Variants in PHF24 observed in about 807,000 individuals in gnomAD.
PHF24 encodes PHD finger protein 24.
Under a neutral mutation model 42.6 loss-of-function variants are expected in PHF24, and 25 were observed. The ratio of observed to expected loss-of-function variants is 0.59; its 90% CI spans 0.43 to 0.82. The LOEUF (loss-of-function observed/expected upper bound fraction) is 0.82. PHF24 is among the 40% of genes least tolerant of loss of function. The pLI, the probability that PHF24 is intolerant of heterozygous loss-of-function variation, is 0.00. For synonymous variants in PHF24, 185 were observed against 204.8 expected, an observed-to-expected ratio of 0.90 and a Z score of 0.83; for missense variants, 470 against 538.1, an observed-to-expected ratio of 0.87 and a Z score of 1.25.
At chr9:34,799,549 C>T in the PHF24 span, among the ~76,000 whole-genome samples, 3 of 152,266 alleles carry the variant, frequency 2.0e-5, no homozygotes, top group East Asian at 5.8e-4. Context: ...CTTCTGCATA[C>T]TTTGATACCT....
chr9:34,832,720 C>G, the PHF24 span: 81 of 1,547,488 alleles, frequency 5.2e-5, no homozygotes, highest in Non-Finnish European at 7.1e-5. Context: ...GCTGGCATCA[C>G]CAGCCCATGT....
chr9:34,799,786 A>G, the PHF24 span, among the ~76,000 whole-genome samples: 1 of 152,234 alleles, frequency 6.6e-6, no homozygotes, highest in Non-Finnish European at 1.5e-5. Flanking sequence ...TATATCATAT[A>G]TAATGATACA....
chr9:34,697,571 C>T, the PHF24 span, among the ~76,000 whole-genome samples: 116 of 152,312 alleles, frequency 7.6e-4, no homozygotes, highest in Middle Eastern at 6.8e-3. Context: ...CCACCTGCCT[C>T]GGCCTCCCAA....
At chr9:34,724,484 G>T in the PHF24 span, 17 of 1,551,798 alleles carry the variant, frequency 1.1e-5, 1 homozygote, top group South Asian at 2.0e-4. Context: ...CTCTGGTGCT[G>T]CAACAGTTTG....
the PHF24 span, among the ~76,000 whole-genome samples, chr9:34,767,559 G>C: frequency 6.6e-6 from 1 of 152,256 alleles, no homozygotes; most frequent in Admixed American, 6.5e-5. Context: ...CCGTCGGAAA[G>C]GCGCAGTATT....
At chr9:34,908,254 G>A in the PHF24 span, among the ~76,000 whole-genome samples, 4 of 152,242 alleles carry the variant, frequency 2.6e-5, no homozygotes, top group African/African-American at 9.6e-5. Context: ...TTGTTGTAAG[G>A]ATATTTTAGG....
At chr9:34,720,405 A>C in the PHF24 span, among the ~76,000 whole-genome samples, 1 of 148,686 alleles carries the variant, frequency 6.7e-6, no homozygotes, top group South Asian at 2.1e-4. Flanking sequence ...AGATTGCGCC[A>C]CTGCAGCCCG....
chr9:34,757,095 G>A, the PHF24 span, among the ~76,000 whole-genome samples: 2 of 151,992 alleles, frequency 1.3e-5, no homozygotes, highest in Admixed American at 1.3e-4. Flanking sequence ...AGCAGAGACA[G>A]CGTTTCACCA....
the PHF24 span, among the ~76,000 whole-genome samples, chr9:34,720,798 C>G: frequency 6.6e-6 from 1 of 152,210 alleles, no homozygotes; most frequent in Non-Finnish European, 1.5e-5. Flanking sequence ...CCTGCTGGTA[C>G]AGTGTTCCAA....
At chr9:34,925,808 A>C in the PHF24 span, among the ~76,000 whole-genome samples, 1 of 152,030 alleles carries the variant, frequency 6.6e-6, no homozygotes, top group Admixed American at 6.5e-5. Flanking sequence ...GGGGCCTGTT[A>C]CTAGAGAATT....
At chr9:34,870,634 C>G in the PHF24 span, among the ~76,000 whole-genome samples, 3 of 151,102 alleles carry the variant, frequency 2.0e-5, no homozygotes, top group Non-Finnish European at 4.4e-5. Flanking sequence ...GTGGTACAAT[C>G]ATGTCTCACT....
the PHF24 span, chr9:34,709,691 G>A: frequency 3.1e-6 from 5 of 1,613,550 alleles, no homozygotes; most frequent in Non-Finnish European, 4.2e-6. Context: ...ACCTGCGGGT[G>A]GGGGCTAGTA....
chr9:34,860,125 A>G, the PHF24 span, among the ~76,000 whole-genome samples: 2 of 152,156 alleles, frequency 1.3e-5, no homozygotes, highest in African/African-American at 4.8e-5. Flanking sequence ...CCCTCCTTGC[A>G]CCACAGTCTA....
chr9:34,903,147 A>AT, the PHF24 span, among the ~76,000 whole-genome samples: 2 of 152,216 alleles, frequency 1.3e-5, no homozygotes, highest in Admixed American at 6.5e-5. Context: ...TTAGAGATAG[A>AT]TAAAAAGGTT....
At chr9:34,795,935 G>C in the PHF24 span, among the ~76,000 whole-genome samples, 1 of 151,934 alleles carries the variant, frequency 6.6e-6, no homozygotes, top group African/African-American at 2.4e-5. Flanking sequence ...CGAGGAGGTT[G>C]AGGCTGCAGT....
chr9:34,978,776 G>A (rs1202166885), exon 8 of PHF24: 2 of 152,206 alleles, frequency 1.3e-5, no homozygotes, highest in African/African-American at 4.8e-5. Flanking sequence ...AATTCCTGGT[G>A]ACAGAAAAGG....
At chr9:34,728,707 A>T in the PHF24 span, 1 of 1,497,572 alleles carries the variant, frequency 6.7e-7, no homozygotes, top group Non-Finnish European at 9.1e-7. Flanking sequence ...TTTCTTTCTC[A>T]TGTCCAAAAT....
the PHF24 span, among the ~76,000 whole-genome samples, chr9:34,812,191 A>C: frequency 1.3e-5 from 2 of 152,136 alleles, no homozygotes; most frequent in Non-Finnish European, 2.9e-5. Context: ...TGGGCAACAC[A>C]GGAGACCCAG....
At chr9:34,927,509 A>C in the PHF24 span, among the ~76,000 whole-genome samples, 1 of 152,212 alleles carries the variant, frequency 6.6e-6, no homozygotes, top group Non-Finnish European at 1.5e-5. Context: ...CATACCCAGC[A>C]GCTCTTCAAA....
Sources: gnomAD v4.1 joint callset for allele counts (sites outside exome capture counted in the v4.1 genomes callset) on GRCh38, gnomAD v4.1.1 for gene constraint, MANE v1.5 for transcripts, NCBI Gene and HGNC (gene_info 2026-07-23, HGNC 2026-07-21) for gene names.